Variants in COG3 observed in about 807,000 individuals in gnomAD.
COG3 encodes the protein component of oligomeric golgi complex 3.
Under a neutral mutation model 114.1 loss-of-function variants are expected in COG3, and 32 were observed. That is an observed-to-expected ratio of 0.28 (90% CI 0.21 to 0.38). The LOEUF is 0.38. COG3 is among the 10% of genes least tolerant of loss of function. COG3 has a pLI of 1.00. For synonymous variants in COG3, 352 were observed against 365.7 expected (o/e 0.96, Z 0.43); for missense variants, 813 against 973.2 (o/e 0.84, Z 2.19).
chr13:45,493,558 C>T, intron 12 of COG3, 72 bp downstream of exon 12: 1 of 1,329,440 alleles, frequency 7.5e-7, no homozygotes, highest in Non-Finnish European at 1.0e-6. Flanking sequence ...ATAAGTGCTT[C>T]TTCCCTCACC....
chr13:45,518,464 A>C (rs1032103579), intron 17 of COG3, among the ~76,000 whole-genome samples: 1 of 152,244 alleles, frequency 6.6e-6, no homozygotes, highest in Non-Finnish European at 1.5e-5. Flanking sequence ...CCTATTTAAT[A>C]TCCTAAAAGT....
chr13:45,529,797 T>C lies in COG3; in HGVS notation c.2237T>C (p.Val746Ala), dbSNP rs755601358. The C allele has an allele frequency of 5.0e-6, 8 of 1,608,796 alleles. No homozygotes were observed. In the African/African-American group the frequency reaches 9.4e-5, roughly 19 times the overall value. ...SQQPWAQPAK[V>A]NDLAATAYKT... ...GAGGTTACTTTATTTCCAGCAAAGGTCAATGACCTTGCGGCAACTGCATAT... is the reference window on the plus strand; with the variant it reads ...GAGGTTACTTTATTTCCAGCAAAGGCCAATGACCTTGCGGCAACTGCATAT... Residue 746 changes from valine (V) to alanine (A), a missense_variant, in exon 21 of 23, where the codon GTC becomes GCC. Val to Ala is a moderately conservative substitution (Grantham distance 64). Around this residue, in one of 2 missense-constraint regions of COG3, gnomAD observed 389 missense variants for 542.6 expected, o/e 0.72. Coordinates refer to ENST00000349995, the MANE Select transcript of COG3 (RefSeq NM_031431.4).
At chr13:45,491,333 C>A in intron 9 of COG3, 79 bp from the exon 10 acceptor site, 2 of 1,447,170 alleles carry the variant, frequency 1.4e-6, no homozygotes, top group South Asian at 1.4e-5. Context: ...AGAGGTTTGG[C>A]AACCTACACT....
intron 12 of COG3, chr13:45,493,858 C>T (rs1379515365): frequency 3.0e-5 from 1 of 33,346 alleles, no homozygotes; most frequent in Non-Finnish European, 5.6e-5. Flanking sequence ...GATTAAAAAA[C>T]AGGAATTGTT....
At chr13:45,481,401 A>G (rs919446501) in intron 5 of COG3, 97 bp downstream of exon 5, 16 of 676,014 alleles carry the variant, frequency 2.4e-5, no homozygotes, top group Non-Finnish European at 2.9e-5. Flanking sequence ...GGCTTGAGTG[A>G]TATTTTAATT....
At chr13:45,508,888 T>C (rs1478386610) in intron 14 of COG3, among the ~76,000 whole-genome samples, 1 of 152,194 alleles carries the variant, frequency 6.6e-6, no homozygotes, top group African/African-American at 2.4e-5. Context: ...ACTAGGCCTG[T>C]ATGTGATTTG....
At chr13:45,465,376 G>A in intron 1 of COG3, 166 bp downstream of exon 1, 1 of 1,182,838 alleles carries the variant, frequency 8.5e-7, no homozygotes, top group Non-Finnish European at 1.1e-6. Flanking sequence ...AGGCTGTCAG[G>A]CTTCGCTCTG....
At chr13:45,518,684 A>T in intron 17 of COG3, 78 bp from the exon 18 acceptor site, 1 of 1,063,188 alleles carries the variant, frequency 9.4e-7, no homozygotes, top group Non-Finnish European at 1.4e-6. Flanking sequence ...TTGTGGTGGT[A>T]GAGAACTGGT....
At position 45,483,254 on chromosome 13, in the gene COG3, T is replaced by A; in HGVS notation, c.742T>A (p.Tyr248Asn). 6.3e-7 allele frequency: 1 copy of A among 1,582,104 alleles called. No homozygotes were observed. Among genetic ancestry groups the A allele is most frequent in the Non-Finnish European group, 8.7e-7 (1 of 1,151,900 alleles). The change falls in exon 7 of 23, where the codon TAT becomes AAT. Residue 248 changes from tyrosine to asparagine, a missense_variant. By Grantham distance (143) the Tyr-to-Asn change is moderately radical. This residue lies in a region of COG3 where 424 missense variants were observed against 430.6 expected (regional missense o/e 0.98). Coordinates refer to ENST00000349995, the MANE Select transcript of COG3 (RefSeq NM_031431.4). ...GCCTAATTTTAAAGATTATCCCATA[T>A]ATTTGCTGAAGTTTAAACAGTGTCT... The part of the protein sequence containing the change: ...SHPNFKDYPI[Y>N]LLKFKQCLSK...
chr13:45,496,031 C>A, intron 12 of COG3, 121 bp from the exon 13 acceptor site: 1 of 822,956 alleles, frequency 1.2e-6, no homozygotes, highest in South Asian at 2.1e-5. Context: ...AGAATACAAT[C>A]ACAGCCTCTG....
chr13:45,500,094 G>GTGTGTGTGTA (rs1321310200), intron 13 of COG3, among the ~76,000 whole-genome samples: 1 of 114,840 alleles, frequency 8.7e-6, no homozygotes, highest in African/African-American at 3.5e-5. Context: ...GTGTGTGTGT[G>GTGTGTGTGTA]TATATATATA....
chr13:45,527,935 A>C (rs1872831217), intron 20 of COG3, among the ~76,000 whole-genome samples: 1 of 152,078 alleles, frequency 6.6e-6, no homozygotes. Context: ...CTCGAGAGAG[A>C]GCTAGGAAAA....
At chr13:45,484,246 T>G (rs901422725) in intron 7 of COG3, among the ~76,000 whole-genome samples, 1 of 152,194 alleles carries the variant, frequency 6.6e-6, no homozygotes, top group Non-Finnish European at 1.5e-5. Flanking sequence ...TTTTTTATTT[T>G]TTGCAAAATT....
intron 22 of COG3, 39 bp downstream of exon 22, chr13:45,530,819 C>T: frequency 1.3e-6 from 2 of 1,589,262 alleles, no homozygotes; most frequent in Non-Finnish European, 1.7e-6. Flanking sequence ...CTTTTATGCC[C>T]TCTTGGTTAT....
chr13:45,515,735 A>G (rs753541154), intron 16 of COG3, among the ~76,000 whole-genome samples: 3 of 152,198 alleles, frequency 2.0e-5, no homozygotes, highest in Non-Finnish European at 4.4e-5. Context: ...AGTGAAAGCC[A>G]TGTTCCTGAG....
intron 8 of COG3, among the ~76,000 whole-genome samples, chr13:45,488,657 G>A (rs1886820696): frequency 6.6e-6 from 1 of 152,094 alleles, no homozygotes; most frequent in Non-Finnish European, 1.5e-5. Context: ...ATTTCATGAG[G>A]TTGGGTATGT....
chr13:45,528,761 G>A (rs749874329), intron 20 of COG3, among the ~76,000 whole-genome samples: 21 of 152,184 alleles, frequency 1.4e-4, no homozygotes, highest in Non-Finnish European at 2.8e-4. Context: ...TGGATGCATC[G>A]AATACATCAC....
At chr13:45,503,144 C>A in intron 13 of COG3, 100 bp from the exon 14 acceptor site, 1 of 488,802 alleles carries the variant, frequency 2.0e-6, no homozygotes, top group South Asian at 4.8e-5. Context: ...TTCCAAATGT[C>A]AAGTTGAAAA....
intron 15 of COG3, among the ~76,000 whole-genome samples, chr13:45,511,158 G>GTT (rs11352257): frequency 2.7e-5 from 4 of 147,704 alleles, no homozygotes; most frequent in African/African-American, 7.4e-5. Context: ...TTGGTAACCT[G>GTT]TTTTTTTTTT....
Sources: gnomAD v4.1 joint callset for allele counts (sites outside exome capture counted in the v4.1 genomes callset) on GRCh38, gnomAD v4.1.1 for gene constraint, gnomAD v4.1.1 regional missense constraint, MANE v1.5 for transcripts, NCBI Gene and HGNC (gene_info 2026-07-23, HGNC 2026-07-21) for gene names.